DLG1: variants seen among roughly 807,000 people sequenced by gnomAD.
DLG1 encodes the protein discs large MAGUK scaffold protein 1.
Under a neutral mutation model 123.4 loss-of-function variants are expected in DLG1, and 42 were observed. The observed-to-expected ratio is 0.34, with a 90% CI of 0.27 to 0.44. DLG1 has a LOEUF of 0.44. Among genes scored for constraint, DLG1 ranks in the 20% least tolerant of loss-of-function variants. DLG1 has a pLI of 1.00. For synonymous variants in DLG1, 317 were observed against 356.2 expected (o/e 0.89, Z 1.24); for missense variants, 942 against 1,082.6 (o/e 0.87, Z 1.82).
At chr3:197,168,290 A>G (rs1234213843) in intron 5 of DLG1, among the ~76,000 whole-genome samples, 4 of 152,266 alleles carry the variant, frequency 2.6e-5, no homozygotes, top group Non-Finnish European at 5.9e-5. Flanking sequence ...CCTTAAGGCC[A>G]ACACCGCTGA....
chr3:197,158,025 C>A (rs996357636), intron 5 of DLG1, among the ~76,000 whole-genome samples: 1 of 152,164 alleles, frequency 6.6e-6, no homozygotes, highest in African/African-American at 2.4e-5. Flanking sequence ...ACAGACATGT[C>A]TTGTCTGTAA....
intron 13 of DLG1, among the ~76,000 whole-genome samples, chr3:197,105,705 A>G (rs1290254785): frequency 6.6e-6 from 1 of 152,196 alleles, no homozygotes; most frequent in Non-Finnish European, 1.5e-5. Context: ...TTGCGCGCAT[A>G]TATACATATA....
rs1741410605 is a variant in DLG1, at chr3:197,068,655, A to G, written c.2047+564T>C. On this transcript the variant is annotated intron_variant, in intron 19 of 24. Coordinates refer to ENST00000667157, the MANE Select transcript of DLG1 (RefSeq NM_001366207.1). Reference sequence around the variant, plus strand: ...CCCATGCCCAAGTCTGTTTTAAAACATCACATGCTTGTGCAGTTCACTTAA... The same window carrying G: ...CCCATGCCCAAGTCTGTTTTAAAACGTCACATGCTTGTGCAGTTCACTTAA... 7.8e-6 allele frequency: 5 copies of G among 642,748 alleles called. No homozygotes were observed. The East Asian group carries it at 1.1e-4, about 15-fold the overall frequency. The allele number at this position is 642,748 out of a possible 1,614,324, so 39.8% of individuals were successfully genotyped here.
At chr3:197,127,818 G>A (rs1780545664) in intron 11 of DLG1, among the ~76,000 whole-genome samples, 1 of 151,984 alleles carries the variant, frequency 6.6e-6, no homozygotes, top group East Asian at 1.9e-4. Flanking sequence ...TGGTTTCCCA[G>A]TGCATGTACA....
In DLG1 at chr3:197,142,747, A is replaced by C; in HGVS notation, c.559T>G (p.Tyr187Asp). ...TCAAGTGTGATTTCTTCATATTCATAATCTGCATCTGTGCCATTAACCTAC... is the reference window on the plus strand; with the variant it reads ...TCAAGTGTGATTTCTTCATATTCATCATCTGCATCTGTGCCATTAACCTAC... ...PTYVNGTDAD[Y>D]EYEEITLERG... Residue 187 changes from tyrosine (Y) to aspartate (D), a missense_variant, in exon 7 of 25, where the codon TAT (tyrosine) becomes GAT (aspartate). Coordinates refer to ENST00000667157, the MANE Select transcript of DLG1 (RefSeq NM_001366207.1). 1 of 1,609,468 alleles carries C rather than the reference A, an allele frequency of 6.2e-7. No individual in the cohort carries two copies. The highest frequency in any genetic ancestry group is 2.2e-5 in the East Asian group (1 of 44,742).
chr3:197,298,605 C>G lies in DLG1; in HGVS notation c.-101G>C, dbSNP rs569635893. 281 of 398,346 alleles carry G rather than the reference C, an allele frequency of 7.1e-4. 3 individuals carry two copies. The South Asian group carries it at 0.018, about 26-fold the overall frequency. 24.7% of individuals were successfully genotyped at this position (398,346 alleles called of 1,614,324 possible). A position where few individuals can be genotyped will look rare whatever the true frequency, so the allele number is the denominator to read the frequency against. ...GCGGCAGAGACAGCGCCTGGCGACC[C>G]CGGGGGTAGATCCCCACCGGGGAAA... On this transcript the variant is annotated 5_prime_UTR_variant, in exon 1 of 25. Transcript: ENST00000667157.
intron 23 of DLG1, among the ~76,000 whole-genome samples, chr3:197,056,290 C>A (rs898285224): frequency 3.9e-5 from 6 of 152,130 alleles, no homozygotes; most frequent in Non-Finnish European, 5.9e-5. Context: ...AATGCTGCAG[C>A]AGTGTTGCAT....
chr3:197,277,567 C>T (rs992339972), intron 4 of DLG1, among the ~76,000 whole-genome samples: 6 of 152,070 alleles, frequency 3.9e-5, no homozygotes, highest in African/African-American at 1.2e-4. Context: ...TCTTGAACTC[C>T]TGACCTCAGG....
intron 4 of DLG1, chr3:197,260,252 A>G: frequency 2.3e-6 from 1 of 438,268 alleles, no homozygotes; most frequent in Non-Finnish European, 4.6e-6. Flanking sequence ...AGCATATTAT[A>G]TCTTACCTTT....
At chr3:197,218,525 T>G (rs1042189953) in intron 4 of DLG1, among the ~76,000 whole-genome samples, 1 of 152,222 alleles carries the variant, frequency 6.6e-6, no homozygotes, top group African/African-American at 2.4e-5. Flanking sequence ...GAAAACACAG[T>G]CAACTGCTTC....
At chr3:197,217,201 T>C (rs975179923) in intron 4 of DLG1, among the ~76,000 whole-genome samples, 1 of 152,218 alleles carries the variant, frequency 6.6e-6, no homozygotes, top group Non-Finnish European at 1.5e-5. Context: ...ACACCATAAT[T>C]TGTCCGTAAG....
chr3:197,205,989 A>G (rs1159503778), intron 4 of DLG1, among the ~76,000 whole-genome samples: 3 of 152,230 alleles, frequency 2.0e-5, no homozygotes, highest in Non-Finnish European at 4.4e-5. Context: ...GGGTCCACCC[A>G]AATAATTTAG....
At position 197,287,253 on chromosome 3, in the gene DLG1, GA is replaced by G. The variant is rs201157792; in HGVS notation, c.152-4409del. 2.6e-3 allele frequency among the ~76,000 whole-genome samples: 393 copies of G among 151,922 alleles called. 1 individual carries two copies. The highest frequency in any genetic ancestry group is 7.7e-3 in the African/African-American group (320 of 41,438). On this transcript the variant is annotated intron_variant, in intron 3 of 24. Transcript: ENST00000667157. ...ATTCTTCTGTAAATTCAAAACTGCTGAAAAAAATCTATTAATTTCTTAAACT... is the reference window on the plus strand; with the variant it reads ...ATTCTTCTGTAAATTCAAAACTGCTGAAAAAATCTATTAATTTCTTAAACT...
intron 4 of DLG1, among the ~76,000 whole-genome samples, chr3:197,246,061 T>C (rs1019690277): frequency 1.3e-5 from 2 of 152,138 alleles, no homozygotes; most frequent in Non-Finnish European, 2.9e-5. Flanking sequence ...GTATAAATAG[T>C]TCCTTCTTGA....
At chr3:197,133,900 T>C (rs1783866510) in intron 10 of DLG1, among the ~76,000 whole-genome samples, 1 of 152,168 alleles carries the variant, frequency 6.6e-6, no homozygotes. Context: ...GACTGAGAAT[T>C]GAATGATTCC....
intron 23 of DLG1, among the ~76,000 whole-genome samples, chr3:197,057,950 ATTT>A (rs1560369887): frequency 6.6e-6 from 1 of 150,676 alleles, no homozygotes; most frequent in Non-Finnish European, 1.5e-5. Context: ...GCTCTGCCAT[ATTT>A]TTTATTTTTA....
chr3:197,271,709 T>C (rs1337333947), intron 4 of DLG1, among the ~76,000 whole-genome samples: 1 of 152,218 alleles, frequency 6.6e-6, no homozygotes, highest in Non-Finnish European at 1.5e-5. Flanking sequence ...GAACAATTAT[T>C]GCTAATTTTC....
chr3:197,168,149 C>T (rs1371316957), intron 5 of DLG1, among the ~76,000 whole-genome samples: 1 of 152,190 alleles, frequency 6.6e-6, no homozygotes, highest in Non-Finnish European at 1.5e-5. Flanking sequence ...TGAGCCTCTT[C>T]TAGAATCACC....
intron 17 of DLG1, 86 bp downstream of exon 17, chr3:197,080,965 G>T: frequency 2.3e-6 from 3 of 1,283,300 alleles, no homozygotes; most frequent in Non-Finnish European, 3.3e-6. Context: ...AACTGATCAT[G>T]AATAATTCTG....
Sources: gnomAD v4.1 joint callset for allele counts (sites outside exome capture counted in the v4.1 genomes callset) on GRCh38, gnomAD v4.1.1 for gene constraint, MANE v1.5 for transcripts, NCBI Gene and HGNC (gene_info 2026-07-23, HGNC 2026-07-21) for gene names.